The following NT5DC1 variants were observed in gnomAD, a reference collection of about 807,000 sequenced individuals.
The protein encoded by NT5DC1 is 5'-nucleotidase domain-containing protein 1.
NT5DC1 carries 42 observed loss-of-function variants against 59.4 expected under a neutral mutation model. The observed-to-expected ratio is 0.71, with a 90% CI of 0.55 to 0.92. NT5DC1 has a LOEUF of 0.92. NT5DC1 is among the 40% of genes least tolerant of loss of function. NT5DC1 has a pLI of 0.00. For synonymous variants in NT5DC1, 172 were observed against 188.1 expected (o/e 0.91, Z 0.70); for missense variants, 501 against 537.1 (o/e 0.93, Z 0.66).
intron 6 of NT5DC1, among the ~76,000 whole-genome samples, chr6:116,162,656 TGCTGTTGGATTCAGTTTGCTA>T (rs1426731273): frequency 6.6e-6 from 1 of 152,346 alleles, no homozygotes; most frequent in East Asian, 1.9e-4. Flanking sequence ...CTTTTTGATG[TGCTGTTGGATTCAGTTTGCTA>T]GTATTTTGTT....
In NT5DC1 at chr6:116,221,172, G is replaced by C. The variant is rs1399811678; in HGVS notation, c.648G>C (p.Leu216=). ...TAAAGAATGCTGGGAAAATTCTTCT[G>C]TTAATTACCAGTTCTCACAGTGATT... The part of the protein sequence containing the change: ...RQLKNAGKIL[L]LITSSHSDYC... Residue 216 remains leucine, a synonymous_variant, in exon 7 of 12, where the codon CTG becomes CTC. Transcript: ENST00000319550. 1 of 1,599,990 alleles carries C rather than the reference G, an allele frequency of 6.3e-7. No homozygotes were observed. The highest frequency in any genetic ancestry group is 1.3e-5 in the African/African-American group (1 of 74,594).
intron 6 of NT5DC1, among the ~76,000 whole-genome samples, chr6:116,200,634 GC>G: frequency 6.6e-6 from 1 of 152,060 alleles, no homozygotes; most frequent in South Asian, 2.1e-4. Context: ...ATATTATCGA[GC>G]TCTGGTATAT....
chr6:116,189,733 G>C (rs528809407), intron 6 of NT5DC1, among the ~76,000 whole-genome samples: 1 of 151,922 alleles, frequency 6.6e-6, no homozygotes, highest in Admixed American at 6.6e-5. Flanking sequence ...AAAAAAAAAT[G>C]ATTTTAATAG....
At chr6:116,158,004 C>T (rs1429682278) in intron 6 of NT5DC1, among the ~76,000 whole-genome samples, 1 of 152,192 alleles carries the variant, frequency 6.6e-6, no homozygotes, top group Admixed American at 6.5e-5. Context: ...CAGTTTTTTC[C>T]TCTGATCATT....
chr6:116,197,921 C>G (rs1396924413), intron 6 of NT5DC1, among the ~76,000 whole-genome samples: 1 of 152,032 alleles, frequency 6.6e-6, no homozygotes, highest in African/African-American at 2.4e-5. Context: ...CCACAAATAG[C>G]TTCACCCCAG....
At chr6:116,115,386 T>C (rs1223440231) in intron 4 of NT5DC1, among the ~76,000 whole-genome samples, 2 of 152,232 alleles carry the variant, frequency 1.3e-5, no homozygotes, top group Admixed American at 6.5e-5. Flanking sequence ...CATATGGCTT[T>C]TTCATATTCT....
chr6:116,125,384 T>C (rs749192483), intron 6 of NT5DC1: 42 of 1,613,682 alleles, frequency 2.6e-5, no homozygotes, highest in Non-Finnish European at 3.5e-5. Flanking sequence ...GTCTTGGTGT[T>C]GGGTAGTGGG....
intron 6 of NT5DC1, among the ~76,000 whole-genome samples, chr6:116,172,344 T>TA (rs1347012866): frequency 7.6e-6 from 1 of 131,182 alleles, no homozygotes; most frequent in Non-Finnish European, 1.6e-5. Flanking sequence ...TTTTTTGAGA[T>TA]AGAGTCTCGC....
chr6:116,243,986 C>G lies in NT5DC1; in HGVS notation c.1330C>G (p.Leu444Val). The G allele has an allele frequency of 6.4e-7, 1 of 1,551,168 alleles. No individual in the cohort carries two copies. The highest frequency in any genetic ancestry group is 1.8e-5 in the Admixed American group (1 of 57,118). The stretch of plus-strand genomic sequence containing the variant: ...AGCTGGCTACTATCCAAATCCTCCA[C>G]TGGTCTTATCAAGTGATGAGACACT... ...KTAGYYPNPP[L>V]VLSSDETLIS... is the part of the protein sequence containing the mutation. Residue 444 changes from leucine (L) to valine (V), a missense_variant, in exon 12 of 12, where the codon CTG becomes GTG. Transcript: ENST00000319550.
At chr6:116,225,329 A>G (rs1036399864) in intron 8 of NT5DC1, among the ~76,000 whole-genome samples, 2 of 152,340 alleles carry the variant, frequency 1.3e-5, no homozygotes, top group East Asian at 3.9e-4. Flanking sequence ...CAGCTCATAG[A>G]TAGGTATTTG....
intron 8 of NT5DC1, among the ~76,000 whole-genome samples, chr6:116,230,280 C>T (rs2114551736): frequency 6.6e-6 from 1 of 152,306 alleles, no homozygotes; most frequent in East Asian, 1.9e-4. Flanking sequence ...CACATGCACA[C>T]AATATCTCAT....
chr6:116,220,636 T>A (rs912244831), intron 6 of NT5DC1, among the ~76,000 whole-genome samples: 46 of 152,350 alleles, frequency 3.0e-4, no homozygotes, highest in Admixed American at 2.5e-3. Flanking sequence ...GCAAAAGATG[T>A]GATCCTGGTG....
chr6:116,239,147 G>A lies in NT5DC1; in HGVS notation c.1252+24G>A, dbSNP rs774940646. The A allele has an allele frequency of 3.9e-6, 6 of 1,551,854 alleles. No individual in the cohort carries two copies. In the African/African-American group the frequency reaches 8.2e-5, roughly 21 times the overall value. ...AGGTAAGGGGGAAAATACCTATAAAGCTTCACCTGTTACTAGACAATAATG... is the reference window on the plus strand; with the variant it reads ...AGGTAAGGGGGAAAATACCTATAAAACTTCACCTGTTACTAGACAATAATG... On this transcript the variant is annotated intron_variant, in intron 11 of 11. Transcript: ENST00000319550.
chr6:116,165,534 A>T (rs1401721455), intron 6 of NT5DC1, among the ~76,000 whole-genome samples: 3 of 152,190 alleles, frequency 2.0e-5, no homozygotes, highest in Non-Finnish European at 2.9e-5. Context: ...TTCATTTTTT[A>T]AAATTCTCTT....
At chr6:116,220,708 AAG>A (rs1331482516) in intron 6 of NT5DC1, among the ~76,000 whole-genome samples, 5 of 152,226 alleles carry the variant, frequency 3.3e-5, no homozygotes. Context: ...GAATAATTAA[AAG>A]AGTATTTGTA....
chr6:116,122,044 A>G, intron 6 of NT5DC1: 1 of 1,145,876 alleles, frequency 8.7e-7, no homozygotes, highest in South Asian at 1.2e-5. Flanking sequence ...CAAACTATGA[A>G]TTGGGACACG....
intron 6 of NT5DC1, among the ~76,000 whole-genome samples, chr6:116,207,509 G>A (rs2114520632): frequency 6.6e-6 from 1 of 151,618 alleles, no homozygotes. Flanking sequence ...TTAATTTTTG[G>A]TTTAAAAAGT....
intron 5 of NT5DC1, among the ~76,000 whole-genome samples, chr6:116,116,921 G>A (rs1454931994): frequency 6.6e-6 from 1 of 152,112 alleles, no homozygotes; most frequent in East Asian, 1.9e-4. Context: ...ACATTTTCAA[G>A]GAAGCAAAGG....
chr6:116,147,732 C>CT (rs1779934458), intron 6 of NT5DC1, among the ~76,000 whole-genome samples: 3 of 152,192 alleles, frequency 2.0e-5, no homozygotes, highest in East Asian at 1.9e-4. Flanking sequence ...AATTATATCT[C>CT]TAAGAATTTA....
Sources: allele counts gnomAD v4.1 joint callset (sites outside exome capture counted in the v4.1 genomes callset), GRCh38; gene constraint gnomAD v4.1.1; transcripts MANE v1.5; gene names NCBI Gene and HGNC (gene_info 2026-07-23, HGNC 2026-07-21).